NRXN1: variants seen among roughly 807,000 people sequenced by gnomAD.
NRXN1 encodes the protein neurexin-1.
A neutral mutation model predicts 150.9 loss-of-function variants in NRXN1; 39 were observed. The ratio of observed to expected loss-of-function variants is 0.26; its 90% CI spans 0.20 to 0.34. The LOEUF is 0.34. Ranked by LOEUF, NRXN1 falls within the 10% of genes least tolerant of loss-of-function variation. The pLI is 1.00. For missense variants in NRXN1, 1,815 were observed against 1,949.9 expected, an observed-to-expected ratio of 0.93 and a Z score of 1.30; for synonymous variants, 924 against 757.0, an observed-to-expected ratio of 1.22 and a Z score of -3.62.
At chr2:50,872,704 G>C (rs1204452027) in intron 5 of NRXN1, among the ~76,000 whole-genome samples, 1 of 151,842 alleles carries the variant, frequency 6.6e-6, no homozygotes, top group African/African-American at 2.4e-5. Flanking sequence ...TGTAATCCCA[G>C]CACTTTGGGA....
chr2:50,341,989 C>T (rs1228111978), intron 17 of NRXN1, among the ~76,000 whole-genome samples: 1 of 152,136 alleles, frequency 6.6e-6, no homozygotes, highest in African/African-American at 2.4e-5. Context: ...CCAACAATAG[C>T]TTGGATTTTT....
Position 50,327,805 on chromosome 2 carries a change from T to C in NRXN1, c.3365-90835A>G, listed in dbSNP as rs574959731. 2.6e-5 allele frequency among the ~76,000 whole-genome samples: 4 copies of C among 151,740 alleles called. No homozygotes were observed. The East Asian group carries it at 5.8e-4, about 22-fold the overall frequency. On this transcript the variant is annotated intron_variant, in intron 17 of 22. Transcript: ENST00000401669. Reference sequence around the variant, plus strand: ...GCTGGGATTACAGGCATGAGCCACCTTGCCTGGCTAATTTTTGTATTTTTA... The same window carrying C: ...GCTGGGATTACAGGCATGAGCCACCCTGCCTGGCTAATTTTTGTATTTTTA...
chr2:50,536,703 T>C (rs1287675131), intron 10 of NRXN1, among the ~76,000 whole-genome samples: 1 of 152,244 alleles, frequency 6.6e-6, no homozygotes, highest in Non-Finnish European at 1.5e-5. Flanking sequence ...TCTCATATTA[T>C]GCGTAACTGT....
intron 5 of NRXN1, among the ~76,000 whole-genome samples, chr2:50,669,731 T>C (rs750490828): frequency 6.6e-6 from 1 of 151,664 alleles, no homozygotes; most frequent in Non-Finnish European, 1.5e-5. Flanking sequence ...AACCCTCATA[T>C]ATATGTAGAG....
chr2:50,407,696 A>G (rs1242159525), intron 17 of NRXN1, among the ~76,000 whole-genome samples: 2 of 152,064 alleles, frequency 1.3e-5, no homozygotes, highest in East Asian at 3.9e-4. Flanking sequence ...CAGCCCTCTC[A>G]TCATGTGATG....
intron 11 of NRXN1, among the ~76,000 whole-genome samples, chr2:50,529,272 T>G (rs1048345758): frequency 2.6e-5 from 4 of 152,204 alleles, no homozygotes. Context: ...GTATGTTTCC[T>G]TTAGAAACTC....
chr2:50,140,228 G>C (rs1419266994), intron 18 of NRXN1, among the ~76,000 whole-genome samples: 2 of 152,120 alleles, frequency 1.3e-5, no homozygotes. Flanking sequence ...AGTGAAGGCA[G>C]ACATACACCT....
chr2:51,031,166 A>T (rs1346132900), intron 1 of NRXN1, among the ~76,000 whole-genome samples: 1 of 152,064 alleles, frequency 6.6e-6, no homozygotes, highest in Non-Finnish European at 1.5e-5. Context: ...AGAAAAGAGG[A>T]TTCTCTCTAG....
At chr2:50,048,893 T>C (rs1445983241) in intron 21 of NRXN1, among the ~76,000 whole-genome samples, 1 of 152,144 alleles carries the variant, frequency 6.6e-6, no homozygotes, top group Non-Finnish European at 1.5e-5. Flanking sequence ...TTTAATTTCT[T>C]CCCAAGAGTT....
chr2:50,795,127 G>C (rs940804201), intron 5 of NRXN1, among the ~76,000 whole-genome samples: 1 of 152,042 alleles, frequency 6.6e-6, no homozygotes, highest in Admixed American at 6.6e-5. Context: ...CCTTACATCT[G>C]GGACCTGTAG....
intron 5 of NRXN1, among the ~76,000 whole-genome samples, chr2:50,906,265 A>G (rs1269462508): frequency 6.6e-6 from 1 of 152,160 alleles, no homozygotes; most frequent in South Asian, 2.1e-4. Flanking sequence ...AATGGAAATC[A>G]GAAGCATTTC....
At chr2:50,350,019 A>C (rs888771310) in intron 17 of NRXN1, among the ~76,000 whole-genome samples, 2 of 152,236 alleles carry the variant, frequency 1.3e-5, no homozygotes, top group Non-Finnish European at 2.9e-5. Flanking sequence ...CATTATTCAC[A>C]GTAGCTGTGG....
rs373378063 is a variant in NRXN1 at position 50,264,311 on chromosome 2, T to C, written c.3365-27341A>G. 2.5e-4 allele frequency among the ~76,000 whole-genome samples: 38 copies of C among 152,124 alleles called. No homozygotes were observed. The East Asian group carries it at 5.6e-3, about 22-fold the overall frequency. On this transcript the variant is annotated intron_variant, in intron 17 of 22. Transcript: ENST00000401669. ...GCACATAGAAACAGAATAGATAACA[T>C]TGTAGAACAGTCGCTAGGTCTCTGG...
intron 18 of NRXN1, among the ~76,000 whole-genome samples, chr2:50,228,502 T>C (rs535673990): frequency 1.3e-5 from 2 of 152,100 alleles, no homozygotes; most frequent in South Asian, 2.1e-4. Context: ...TTCAGTCGCC[T>C]GTGAGACACC....
chr2:50,121,277 T>C (rs905910009), intron 18 of NRXN1, among the ~76,000 whole-genome samples: 9 of 152,202 alleles, frequency 5.9e-5, no homozygotes, highest in African/African-American at 2.2e-4. Flanking sequence ...TGCCTCAGCC[T>C]CCCAAAGTGC....
chr2:50,509,589 T>C (rs888033865), intron 12 of NRXN1, among the ~76,000 whole-genome samples: 1 of 152,212 alleles, frequency 6.6e-6, no homozygotes, highest in Non-Finnish European at 1.5e-5. Flanking sequence ...AGAATTTCAC[T>C]TTCTCACAGA....
At chr2:50,745,033 G>C (rs1031881692) in intron 5 of NRXN1, among the ~76,000 whole-genome samples, 4 of 152,068 alleles carry the variant, frequency 2.6e-5, no homozygotes, top group Non-Finnish European at 5.9e-5. Context: ...TGAGCATGCG[G>C]CTGGAAGGCA....
chr2:50,085,027 GA>G (rs1192664337), intron 19 of NRXN1, among the ~76,000 whole-genome samples: 1 of 152,194 alleles, frequency 6.6e-6, no homozygotes, highest in Non-Finnish European at 1.5e-5. Context: ...GGAAAAGTCA[GA>G]GTTTTAGACA....
chr2:50,223,053 G>T (rs955010959), intron 18 of NRXN1, among the ~76,000 whole-genome samples: 2 of 151,532 alleles, frequency 1.3e-5, no homozygotes, highest in East Asian at 3.9e-4. Flanking sequence ...TCATCCGTAG[G>T]CAACAAATAA....
Sources: allele counts gnomAD v4.1 joint callset (sites outside exome capture counted in the v4.1 genomes callset), GRCh38; gene constraint gnomAD v4.1.1; transcripts MANE v1.5; gene names NCBI Gene and HGNC (gene_info 2026-07-23, HGNC 2026-07-21).